MIPOL1: variants seen among roughly 807,000 people sequenced by gnomAD.
MIPOL1 encodes mirror-image polydactyly 1, also known as mirror-image polydactyly gene 1 protein.
A neutral mutation model predicts 60.9 loss-of-function variants in MIPOL1; 57 were observed. That is an observed-to-expected ratio of 0.94 (90% confidence interval 0.76 to 1.17). The LOEUF is 1.17. Ranked by LOEUF, MIPOL1 falls within the 50% of genes most tolerant of loss-of-function variation. The pLI, the probability that MIPOL1 is intolerant of heterozygous loss-of-function variation, is 0.00. For missense variants in MIPOL1, 551 were observed against 511.6 expected (o/e 1.08, Z -0.74); for synonymous variants, 179 against 168.8 (o/e 1.06, Z -0.47).
intron 12 of MIPOL1, among the ~76,000 whole-genome samples, chr14:37,511,095 T>A (rs2095324441): frequency 6.6e-6 from 1 of 152,236 alleles, no homozygotes. Context: ...TAAAAATTTT[T>A]AATATTTTCT....
intron 11 of MIPOL1, among the ~76,000 whole-genome samples, chr14:37,470,644 C>T (rs1276267105): frequency 2.0e-4 from 31 of 152,024 alleles, no homozygotes. Flanking sequence ...TACAAATTAC[C>T]CAGTCTCAGG....
intron 9 of MIPOL1, among the ~76,000 whole-genome samples, chr14:37,310,623 C>T (rs1363037216): frequency 6.6e-6 from 1 of 152,154 alleles, no homozygotes; most frequent in Non-Finnish European, 1.5e-5. Context: ...TCTCCTACTT[C>T]ATAAAATGTT....
At chr14:37,540,797 G>A (rs1479182849) in intron 12 of MIPOL1, among the ~76,000 whole-genome samples, 2 of 152,142 alleles carry the variant, frequency 1.3e-5, no homozygotes, top group Non-Finnish European at 2.9e-5. Flanking sequence ...CTAGACACCA[G>A]CCTTTCTCCC....
At chr14:37,394,056 G>GTATATATATATATATATATA (rs1566510779) in intron 10 of MIPOL1, among the ~76,000 whole-genome samples, 2 of 19,298 alleles carry the variant, frequency 1.0e-4, no homozygotes, top group Non-Finnish European at 1.2e-4. Context: ...CTTAGTAGTG[G>GTATATATATATATATATATA]CATATATATA....
intron 9 of MIPOL1, among the ~76,000 whole-genome samples, chr14:37,350,277 G>A (rs1021559893): frequency 3.3e-5 from 5 of 152,178 alleles, no homozygotes; most frequent in Admixed American, 3.3e-4. Flanking sequence ...TGGTGTCTTG[G>A]AAGGTTCCCT....
At position 37,231,313 on chromosome 14, in the gene MIPOL1, C is replaced by T. The variant is rs531426220; in HGVS notation, c.-198-15790C>T. 3.8e-4 allele frequency among the ~76,000 whole-genome samples: 58 copies of T among 152,256 alleles called. 1 individual carries two copies. The highest frequency in any genetic ancestry group is 3.3e-4 in the Admixed American group (5 of 15,278). ...GTGTTTCCCAGGCTGGTCTCAAACT[C>T]CTGGCCTCAAGCAGGACTCCTGCTT... On this transcript the variant is annotated intron_variant, in intron 1 of 12. Coordinates refer to ENST00000684589, the MANE Select transcript of MIPOL1 (RefSeq NM_001388067.1).
At chr14:37,303,397 C>A (rs576172651) in intron 7 of MIPOL1, among the ~76,000 whole-genome samples, 1 of 151,952 alleles carries the variant, frequency 6.6e-6, no homozygotes, top group South Asian at 2.1e-4. Context: ...AACCATCTGC[C>A]TACATATCCA....
chr14:37,212,756 T>A lies in MIPOL1; in HGVS notation c.-199+14652T>A, dbSNP rs567507129. Among the ~76,000 whole-genome samples the A allele has an allele frequency of 2.0e-5, 3 of 152,202 alleles. No homozygotes were observed. The East Asian group carries it at 5.8e-4, about 29-fold the overall frequency. Reference sequence around the variant, plus strand: ...AGCCAGGGAGTTACTACAGCAGGCTTTGGGCGAGATCTAATGCTGTGCTGG... The same window carrying A: ...AGCCAGGGAGTTACTACAGCAGGCTATGGGCGAGATCTAATGCTGTGCTGG... On this transcript the variant is annotated intron_variant, in intron 1 of 12. Transcript: ENST00000684589.
At chr14:37,552,208 T>C (rs2095562878), downstream of MIPOL1, 1 of 152,176 alleles carries the variant, frequency 6.6e-6, no homozygotes. Flanking sequence ...CATTACTTTG[T>C]TAAATTATTG....
At chr14:37,459,556 C>A (rs1177423064) in intron 11 of MIPOL1, among the ~76,000 whole-genome samples, 1 of 152,016 alleles carries the variant, frequency 6.6e-6, no homozygotes, top group Admixed American at 6.6e-5. Context: ...AAGCCTAGTA[C>A]CAGAAGGATT....
At position 37,524,559 on chromosome 14, in the gene MIPOL1, C is replaced by CTTTTTTTTTTTTTT; in HGVS notation, c.1263-22341_1263-22340insTTTTTTTTTTTTTT. Among the ~76,000 whole-genome samples the CTTTTTTTTTTTTTT allele has an allele frequency of 2.2e-4, 4 of 18,500 alleles. 1 individual carries two copies. The highest frequency in any genetic ancestry group is 7.8e-4 in the African/African-American group (2 of 2,576). 12.1% of individuals were successfully genotyped at this position (18,500 alleles called of 152,430 possible). ...TGTTCTTCTTGACATCTTAATTTTT[C>CTTTTTTTTTTTTTT]TTTTTCTTTTCTTTTTTTTTTTTTT... On this transcript the variant is annotated intron_variant, in intron 12 of 12. Transcript: ENST00000684589.
intron 6 of MIPOL1, among the ~76,000 whole-genome samples, chr14:37,275,883 C>T (rs1326092023): frequency 1.3e-5 from 2 of 151,076 alleles, no homozygotes; most frequent in Non-Finnish European, 3.0e-5. Flanking sequence ...GACAGAACAA[C>T]TCCTGTAGAA....
chr14:37,230,957 C>T (rs556400020), intron 1 of MIPOL1, among the ~76,000 whole-genome samples: 1 of 152,150 alleles, frequency 6.6e-6, no homozygotes, highest in Admixed American at 6.5e-5. Flanking sequence ...CTCTATCTAT[C>T]TATCTATATG....
In MIPOL1 at chr14:37,509,449, A is replaced by G. The variant is rs182286500; in HGVS notation, c.1262+9311A>G. 1.3e-3 allele frequency among the ~76,000 whole-genome samples: 202 copies of G among 152,012 alleles called. 2 individuals carry two copies. Among genetic ancestry groups the G allele is most frequent in the African/African-American group, 4.7e-3 (193 of 41,480 alleles). ...ACACAGGGTTCTTAGCATAGAGCAA[A>G]CATACTTCCCCCAAACTCAGCTGCT... On this transcript the variant is annotated intron_variant, in intron 12 of 12. Transcript: ENST00000684589.
At chr14:37,221,852 A>G (rs559483412) in intron 1 of MIPOL1, among the ~76,000 whole-genome samples, 1 of 152,276 alleles carries the variant, frequency 6.6e-6, no homozygotes, top group African/African-American at 2.4e-5. Context: ...TTTGGAGGGG[A>G]CATTCAAACC....
chr14:37,314,809 T>C (rs2087702635), intron 9 of MIPOL1, among the ~76,000 whole-genome samples: 2 of 152,316 alleles, frequency 1.3e-5, no homozygotes, highest in Admixed American at 1.3e-4. Context: ...TGAAGTTACT[T>C]ATTATGTTTG....
intron 10 of MIPOL1, among the ~76,000 whole-genome samples, chr14:37,370,336 G>C (rs933383781): frequency 3.9e-5 from 6 of 152,028 alleles, no homozygotes; most frequent in Admixed American, 1.3e-4. Context: ...GTACACAGTA[G>C]TTGTCTCTAC....
intron 1 of MIPOL1, among the ~76,000 whole-genome samples, chr14:37,204,652 G>A (rs968272483): frequency 1.6e-4 from 24 of 152,076 alleles, no homozygotes; most frequent in Admixed American, 6.6e-5. Flanking sequence ...GTGGAACTGC[G>A]AGCCCATTAA....
intron 9 of MIPOL1, among the ~76,000 whole-genome samples, chr14:37,323,243 C>G (rs1370074566): frequency 6.6e-6 from 1 of 151,998 alleles, no homozygotes; most frequent in African/African-American, 2.4e-5. Context: ...ATCCTTTCCC[C>G]CTTGCTTGTT....
Sources: allele counts gnomAD v4.1 joint callset (sites outside exome capture counted in the v4.1 genomes callset), GRCh38; gene constraint gnomAD v4.1.1; transcripts MANE v1.5; gene names NCBI Gene and HGNC (gene_info 2026-07-23, HGNC 2026-07-21).